Variants in GPR157 observed in about 807,000 individuals in gnomAD.
The protein encoded by GPR157 is G-protein coupled receptor 157.
GPR157 carries 16 observed loss-of-function variants against 23.5 expected under a neutral mutation model. The ratio of observed to expected loss-of-function variants is 0.68; its 90% CI spans 0.46 to 1.04. The LOEUF (loss-of-function observed/expected upper bound fraction) is 1.04, where lower values mean the gene tolerates loss of function less well. Among genes scored for constraint, GPR157 ranks in the 50% least tolerant of loss-of-function variants. The probability of loss-of-function intolerance (pLI) is 0.00; values close to 1 mark genes in which losing one functional copy is unlikely to be tolerated. For synonymous variants in GPR157, 200 were observed against 221.5 expected (o/e 0.90, Z 0.86); for missense variants, 440 against 460.7 (o/e 0.96, Z 0.41).
Position 9,111,472 on chromosome 1 carries a change from AC to A in GPR157, c.400del (p.Val134SerfsTer9). 6.2e-7 allele frequency: 1 copy of A among 1,613,560 alleles called. No homozygotes were observed. ...CAGGGCGACGGCTGCCACAGTGATG[AC>A]CAACGGGACCCCCCAGCTGAGGAAG... Reference protein sequence around the residue: ...FHVVSWGVPLVITVAAVALKK... With the variant: ...FHVVSWGVPLXITVAAVALKK... On this transcript the variant is annotated frameshift_variant, in exon 2 of 4. Coordinates refer to ENST00000377411, the MANE Select transcript of GPR157 (RefSeq NM_024980.5). LOFTEE classifies it high-confidence loss of function.
chr1:9,127,029 G>T lies in GPR157; in HGVS notation c.383+1616C>A, dbSNP rs190041158. The stretch of plus-strand genomic sequence containing the variant: ...GCCTCACAAGTAGCTGGAACTACAG[G>T]CATGCGCCACCATGCCCAGCTAATT... On this transcript the variant is annotated intron_variant, in intron 1 of 3. Coordinates refer to ENST00000377411, the MANE Select transcript of GPR157 (RefSeq NM_024980.5). Among the ~76,000 whole-genome samples, 5 of 152,032 alleles carry T rather than the reference G, an allele frequency of 3.3e-5. No homozygotes were observed. In the East Asian group the frequency reaches 9.7e-4, roughly 29 times the overall value.
chr1:9,122,715 C>T (rs1050248061), intron 1 of GPR157, among the ~76,000 whole-genome samples: 1 of 152,104 alleles, frequency 6.6e-6, no homozygotes, highest in African/African-American at 2.4e-5. Flanking sequence ...CGGGACTGTA[C>T]TCTTCAAAAA....
chr1:9,108,643 A>T (rs1638405020), intron 2 of GPR157, among the ~76,000 whole-genome samples: 1 of 152,272 alleles, frequency 6.6e-6, no homozygotes, highest in African/African-American at 2.4e-5. Flanking sequence ...AAGACAAAAG[A>T]TCATTTCATT....
At chr1:9,123,784 A>T (rs1435894880) in intron 1 of GPR157, among the ~76,000 whole-genome samples, 4 of 127,680 alleles carry the variant, frequency 3.1e-5, no homozygotes, top group African/African-American at 1.2e-4. Flanking sequence ...TATTAAATAT[A>T]TATTTAATAT....
Position 9,108,256 on chromosome 1 carries a change from G to A in GPR157, c.598-2576C>T, listed in dbSNP as rs531321214. Among the ~76,000 whole-genome samples, 42 of 152,082 alleles carry A rather than the reference G, an allele frequency of 2.8e-4. No homozygotes were observed. The South Asian group carries it at 5.4e-3, about 20-fold the overall frequency. ...TTCTGCAACTAACCTGCTCAGAGCCGCCCTCCTCCTCCTCCTCCTCCTCCA... is the reference window on the plus strand; with the variant it reads ...TTCTGCAACTAACCTGCTCAGAGCCACCCTCCTCCTCCTCCTCCTCCTCCA... On this transcript the variant is annotated intron_variant, in intron 2 of 3. Coordinates refer to ENST00000377411, the MANE Select transcript of GPR157 (RefSeq NM_024980.5).
At chr1:9,124,392 C>A (rs538588968) in intron 1 of GPR157, among the ~76,000 whole-genome samples, 1 of 152,148 alleles carries the variant, frequency 6.6e-6, no homozygotes, top group Non-Finnish European at 1.5e-5. Context: ...GCCAACAGCG[C>A]GTGATGTGCT....
At position 9,120,006 on chromosome 1, in the gene GPR157, C is replaced by T. The variant is rs570726045; in HGVS notation, c.384-8517G>A. Among the ~76,000 whole-genome samples, 11 of 152,272 alleles carry T rather than the reference C, an allele frequency of 7.2e-5. No individual in the cohort carries two copies. Among genetic ancestry groups the T allele is most frequent in the South Asian group, 6.2e-4 (3 of 4,820 alleles). On this transcript the variant is annotated intron_variant, in intron 1 of 3. Transcript: ENST00000377411. The surrounding 1 kb of genome is among the most constrained non-coding windows in gnomAD (Gnocchi z 4.1). Reference sequence around the variant, plus strand: ...AGAGCGGGTCCTTGGGAGTTCCCAGCGCTGCCCAACCGGGGATCTTCTGTT... The same window carrying T: ...AGAGCGGGTCCTTGGGAGTTCCCAGTGCTGCCCAACCGGGGATCTTCTGTT...
rs758197504 is a variant in GPR157, at chr1:9,100,458, C to G, written c.*3961G>C. ...AAAACTATTTTTCTTGTCGTGGACA[C>G]GTGAAGAGTTCTGTTTGCACCCTCA... On this transcript the variant is annotated 3_prime_UTR_variant, in exon 4 of 4. Coordinates refer to ENST00000377411, the MANE Select transcript of GPR157 (RefSeq NM_024980.5). 6 of 152,198 alleles carry G rather than the reference C, an allele frequency of 3.9e-5. No homozygotes were observed. In the East Asian group the frequency reaches 5.8e-4, roughly 15 times the overall value. 9.4% of individuals were successfully genotyped at this position (152,198 alleles called of 1,614,324 possible). A position where few individuals can be genotyped will look rare whatever the true frequency, so the allele number is the denominator to read the frequency against.
chr1:9,110,286 T>G (rs1638451537), intron 2 of GPR157, among the ~76,000 whole-genome samples: 3 of 152,148 alleles, frequency 2.0e-5, no homozygotes, highest in East Asian at 3.9e-4. Context: ...ATTTTGGGAG[T>G]CCGAGGTGGG....
intron 1 of GPR157, among the ~76,000 whole-genome samples, chr1:9,124,924 A>C (rs1234588928): frequency 6.6e-6 from 1 of 152,166 alleles, no homozygotes; most frequent in African/African-American, 2.4e-5. Context: ...AAATGACCCT[A>C]AATCCCTCAC....
At position 9,128,781 on chromosome 1, in the gene GPR157, C is replaced by T. The variant is rs1639024359; in HGVS notation, c.247G>A (p.Gly83Ser). Residue 83 changes from glycine to serine, a missense_variant, in exon 1 of 4, where the codon GGC becomes AGC. Gly to Ser is a moderately conservative substitution (Grantham distance 56, BLOSUM62 0). Transcript: ENST00000377411. This position sits in a 1 kb window ranked among gnomAD's most constrained non-coding sequence, Gnocchi z 6.3. ...GTGTTGGCGAAGGTGGACAGCGCGC[C>T]CTGCAGCACGCAGTCCCACGACGGG... ...AGPSWDCVLQ[G>S]ALSTFANTSS... 12 of 1,611,768 alleles carry T rather than the reference C, an allele frequency of 7.4e-6. No homozygotes were observed. Among genetic ancestry groups the T allele is most frequent in the Non-Finnish European group, 1.0e-5 (12 of 1,178,838 alleles).
chr1:9,105,666 A>C lies in GPR157; in HGVS notation c.612T>G (p.Ser204=). The C allele has an allele frequency of 6.2e-7, 1 of 1,610,544 alleles. No homozygotes were observed. The stretch of plus-strand genomic sequence containing the variant: ...CCTGGGAGAGGATGGGCCGGTACTC[A>C]GAGAGTGCCGTGTGCTGTGTGGGGA... ...KHINRAHTAL[S]EYRPILSQEH... The change falls in exon 3 of 4, where the codon TCT becomes TCG. Residue 204 remains serine (S), a synonymous_variant. Transcript: ENST00000377411. The surrounding 1 kb of genome is among the most constrained non-coding windows in gnomAD (Gnocchi z 4.8).
At position 9,128,939 on chromosome 1, in the gene GPR157, C is replaced by A. The variant is rs1199923451; in HGVS notation, c.89G>T (p.Gly30Val). 3 of 1,517,362 alleles carry A rather than the reference C, an allele frequency of 2.0e-6. No homozygotes were observed. The highest frequency in any genetic ancestry group is 2.6e-6 in the Non-Finnish European group (3 of 1,134,384). The allele number at this position is 1,517,362 out of a possible 1,614,324, so 94.0% of individuals were successfully genotyped here. ...LSCALSALGS[G>V]LLVATHALWP... is the part of the protein sequence containing the mutation. The stretch of plus-strand genomic sequence containing the variant: ...CAGGGCGTGCGTGGCCACCAGCAGG[C>A]CCGAGCCGAGCGCGGAGAGTGCGCA... The change falls in exon 1 of 4, where the codon GGC (glycine) becomes GTC (valine). Residue 30 changes from glycine (G) to valine (V), a missense_variant. Transcript: ENST00000377411. This position sits in a 1 kb window ranked among gnomAD's most constrained non-coding sequence, Gnocchi z 6.3.
Position 9,128,838 on chromosome 1 carries a change from A to AGGAGGCCTAC in GPR157, c.189_190insGTAGGCCTCC (p.Tyr64ValfsTer88). Reference sequence around the variant, plus strand: ...AAGTTCTGCAGCACTCCGTAGAAGTAGGAGGCGGCCGAGAGCAGGTCGGCC... The same window carrying AGGAGGCCTAC: ...AAGTTCTGCAGCACTCCGTAGAAGTAGGAGGCCTACGGAGGCGGCCGAGAGCAGGTCGGCC... On this transcript the variant is annotated frameshift_variant, in exon 1 of 4. Coordinates refer to ENST00000377411, the MANE Select transcript of GPR157 (RefSeq NM_024980.5). LOFTEE classifies it high-confidence loss of function. The surrounding 1 kb of genome is among the most constrained non-coding windows in gnomAD (Gnocchi z 6.3). The AGGAGGCCTAC allele has an allele frequency of 3.7e-6, 6 of 1,603,696 alleles. No homozygotes were observed. Among genetic ancestry groups the AGGAGGCCTAC allele is most frequent in the Non-Finnish European group, 5.1e-6 (6 of 1,175,768 alleles).
At position 9,104,283 on chromosome 1, in the gene GPR157, CA is replaced by C; in HGVS notation, c.*135del. 2 of 656,134 alleles carry C rather than the reference CA, an allele frequency of 3.0e-6. No individual in the cohort carries two copies. The highest frequency in any genetic ancestry group is 3.9e-5 in the South Asian group (2 of 50,932). The allele number at this position is 656,134 out of a possible 1,614,324, so 40.6% of individuals were successfully genotyped here. On this transcript the variant is annotated 3_prime_UTR_variant, in exon 4 of 4. Coordinates refer to ENST00000377411, the MANE Select transcript of GPR157 (RefSeq NM_024980.5). ...GAAGCTGAGTTGGCAGCTGCTCTCC[CA>C]ATGGAGCCGAGAGCATCAATAGCGG...
intron 1 of GPR157, among the ~76,000 whole-genome samples, chr1:9,116,326 A>ATTATATATATTATATATAT (rs1275563972): frequency 2.1e-4 from 3 of 14,630 alleles, no homozygotes; most frequent in Non-Finnish European, 3.1e-4. Flanking sequence ...TAATATATAT[A>ATTATATATATTATATATAT]AATTATATAT....
chr1:9,114,671 C>T (rs966751292), intron 1 of GPR157, among the ~76,000 whole-genome samples: 4 of 152,226 alleles, frequency 2.6e-5, no homozygotes, highest in South Asian at 2.1e-4. Flanking sequence ...AGCTACAAGG[C>T]GGTAGATTTC....
intron 2 of GPR157, among the ~76,000 whole-genome samples, chr1:9,107,695 A>G (rs748034570): frequency 2.0e-5 from 3 of 152,136 alleles, no homozygotes; most frequent in Non-Finnish European, 4.4e-5. Flanking sequence ...AGAGGCTAAG[A>G]TGGTCTGGAT....
chr1:9,108,394 A>G (rs1336952042), intron 2 of GPR157, among the ~76,000 whole-genome samples: 1 of 152,164 alleles, frequency 6.6e-6, no homozygotes, highest in Non-Finnish European at 1.5e-5. Context: ...AAGAGGACCC[A>G]TTGTCACCCG....
Sources: allele counts gnomAD v4.1 joint callset (sites outside exome capture counted in the v4.1 genomes callset), GRCh38; gene constraint gnomAD v4.1.1; non-coding constraint Gnocchi (gnomAD v3.1); transcripts MANE v1.5; gene names NCBI Gene and HGNC (gene_info 2026-07-23, HGNC 2026-07-21).